The following RAI1 variants were observed in gnomAD, a reference collection of about 807,000 sequenced individuals.
RAI1 encodes retinoic acid-induced protein 1.
A neutral mutation model predicts 123.8 loss-of-function variants in RAI1; 9 were observed. That is an observed-to-expected ratio of 0.07 (90% CI 0.04 to 0.13). The LOEUF is 0.13. Ranked by LOEUF, RAI1 falls within the 10% of genes least tolerant of loss-of-function variation. The probability of loss-of-function intolerance (pLI) is 1.00; values close to 1 mark genes in which losing one functional copy is unlikely to be tolerated. For missense variants in RAI1, 2,256 were observed against 2,545.8 expected (o/e 0.89, Z 2.45); for synonymous variants, 1,231 against 1,127.3 (o/e 1.09, Z -1.84).
intron 2 of RAI1, among the ~76,000 whole-genome samples, chr17:17,725,004 G>GT (rs1916034755): frequency 6.6e-6 from 1 of 151,922 alleles, no homozygotes; most frequent in African/African-American, 2.4e-5. Flanking sequence ...GCCGGGGGGA[G>GT]TGGGGTGGGG....
At chr17:17,693,251 A>G (rs1914900929) in intron 1 of RAI1, among the ~76,000 whole-genome samples, 1 of 152,216 alleles carries the variant, frequency 6.6e-6, no homozygotes, top group Non-Finnish European at 1.5e-5. Context: ...GGTGAGGGCC[A>G]TGAAACCAGG....
At chr17:17,804,824 C>T (rs968644761) in intron 4 of RAI1, among the ~76,000 whole-genome samples, 2 of 151,330 alleles carry the variant, frequency 1.3e-5, no homozygotes, top group Admixed American at 6.6e-5. Context: ...ATGCTGGCTC[C>T]TAGTAGTGTT....
intron 2 of RAI1, among the ~76,000 whole-genome samples, chr17:17,758,725 T>C (rs567183755): frequency 6.2e-4 from 95 of 152,274 alleles, no homozygotes; most frequent in African/African-American, 2.1e-3. Context: ...TCAACGTATG[T>C]ACGAGGAGCA....
chr17:17,726,289 C>T (rs1916087739), intron 2 of RAI1, among the ~76,000 whole-genome samples: 1 of 152,290 alleles, frequency 6.6e-6, no homozygotes, highest in Non-Finnish European at 1.5e-5. Context: ...GCCCTGCTCC[C>T]CACCCTTCCC....
At chr17:17,708,873 C>T (rs77745346) in intron 1 of RAI1, among the ~76,000 whole-genome samples, 6,747 of 152,354 alleles carry the variant, frequency 0.044, 212 homozygotes, top group Non-Finnish European at 0.06. Context: ...CCAAAACATT[C>T]CAGCTTCACA....
At position 17,800,324 on chromosome 17, in the gene RAI1, A is replaced by T. The variant is rs1408236287; in HGVS notation, c.5565+1811A>T. On this transcript the variant is annotated intron_variant, in intron 3 of 5. Transcript: ENST00000353383. The surrounding 1 kb of genome is among the most constrained non-coding windows in gnomAD (Gnocchi z 4.7). ...AGATCACCAGCCCCAGCTGGCTGCC[A>T]CCTCCCCTGCTTCACAGCCCCATTC... Among the ~76,000 whole-genome samples, 1 of 150,128 alleles carries T rather than the reference A, an allele frequency of 6.7e-6. No individual in the cohort carries two copies. The highest frequency in any genetic ancestry group is 2.0e-4 in the East Asian group (1 of 5,128).
At chr17:17,789,555 C>T (rs2031941280) in intron 2 of RAI1, among the ~76,000 whole-genome samples, 1 of 152,166 alleles carries the variant, frequency 6.6e-6, no homozygotes, top group African/African-American at 2.4e-5. Flanking sequence ...GGAGTGAGGA[C>T]ACCCATTGCT....
intron 2 of RAI1, among the ~76,000 whole-genome samples, chr17:17,782,422 G>C (rs1331955978): frequency 6.6e-6 from 1 of 151,708 alleles, no homozygotes; most frequent in African/African-American, 2.4e-5. Flanking sequence ...CGCCGGGCGG[G>C]GTGCCCGCCT....
At chr17:17,792,198 CAGA>C (rs2032034052) in intron 2 of RAI1, among the ~76,000 whole-genome samples, 1 of 152,210 alleles carries the variant, frequency 6.6e-6, no homozygotes. Flanking sequence ...TCCTGGGAGT[CAGA>C]GGAGGGGACA....
At chr17:17,706,810 G>A (rs1915410101) in intron 1 of RAI1, among the ~76,000 whole-genome samples, 2 of 152,206 alleles carry the variant, frequency 1.3e-5, no homozygotes, top group South Asian at 2.1e-4. Context: ...GGGAAAAAAA[G>A]AATTGAAACT....
chr17:17,801,125 G>C lies in RAI1; in HGVS notation c.5565+2612G>C, dbSNP rs569340251. On this transcript the variant is annotated intron_variant, in intron 3 of 5. Transcript: ENST00000353383. This position sits in a 1 kb window ranked among gnomAD's most constrained non-coding sequence, Gnocchi z 4.1. ...GCTCTCAGGGATACCTTTTTTCCTC[G>C]ATGGCCTTTTCTGGGAACTGCCCTC... Among the ~76,000 whole-genome samples the C allele has an allele frequency of 1.3e-4, 20 of 152,190 alleles. No individual in the cohort carries two copies. Among genetic ancestry groups the C allele is most frequent in the African/African-American group, 4.3e-4 (18 of 41,494 alleles).
At chr17:17,769,769 T>C (rs1035245574) in intron 2 of RAI1, among the ~76,000 whole-genome samples, 1 of 152,052 alleles carries the variant, frequency 6.6e-6, no homozygotes, top group Admixed American at 6.5e-5. Context: ...CGAGGAGGCC[T>C]AAGGACACCA....
rs116718189 is a variant in RAI1, at chr17:17,702,459, T to A, written c.-149+20666T>A. ...GAAGGGGGGATAAGCAGTGACCCCATCAGGGCTAATAGCAGTGGGGCCTGC... is the reference window on the plus strand; with the variant it reads ...GAAGGGGGGATAAGCAGTGACCCCAACAGGGCTAATAGCAGTGGGGCCTGC... On this transcript the variant is annotated intron_variant, in intron 1 of 5. Transcript: ENST00000353383. Among the ~76,000 whole-genome samples the A allele has an allele frequency of 3.2e-3, 486 of 152,332 alleles. 4 individuals carry two copies. Among genetic ancestry groups the A allele is most frequent in the African/African-American group, 0.011 (463 of 41,570 alleles).
intron 1 of RAI1, among the ~76,000 whole-genome samples, chr17:17,718,524 C>G (rs540735291): frequency 2.0e-5 from 3 of 152,252 alleles, no homozygotes; most frequent in East Asian, 3.9e-4. Flanking sequence ...CCATGCCAGC[C>G]CCATGTGGGC....
In RAI1 at chr17:17,794,090, C is replaced by T. The variant is rs113208290; in HGVS notation, c.1142C>T (p.Ala381Val). 4.4e-3 allele frequency: 7,178 copies of T among 1,614,076 alleles called. 30 individuals are homozygous for T. The highest frequency in any genetic ancestry group is 5.9e-3 in the Admixed American group (353 of 60,020). The change falls in exon 3 of 6, where the codon GCC becomes GTC. Residue 381 changes from alanine (A) to valine (V), a missense_variant. Ala to Val is a moderately conservative substitution (Grantham distance 64). Transcript: ENST00000353383. Reference sequence around the variant, plus strand: ...AGCCAGCAGCCGCTCAGCACCGGGGCCTTCCCCGCAGGGATCACTGACCAC... The same window carrying T: ...AGCCAGCAGCCGCTCAGCACCGGGGTCTTCCCCGCAGGGATCACTGACCAC... ...PYSQQPLSTG[A>V]FPAGITDHSH...
chr17:17,795,398 G>A lies in RAI1; in HGVS notation c.2450G>A (p.Gly817Glu), dbSNP rs776076377. The A allele has an allele frequency of 2.5e-6, 4 of 1,591,418 alleles. No individual in the cohort carries two copies. Among genetic ancestry groups the A allele is most frequent in the East Asian group, 2.3e-5 (1 of 44,444 alleles). Residue 817 changes from glycine (G) to glutamate (E), a missense_variant, in exon 3 of 6, where the codon GGG becomes GAG. Gly to Glu is a moderately conservative substitution (Grantham distance 98). Around this residue, in one of 7 missense-constraint regions of RAI1, gnomAD observed 566 missense variants for 616.0 expected, o/e 0.92. Coordinates refer to ENST00000353383, the MANE Select transcript of RAI1 (RefSeq NM_030665.4). The surrounding 1 kb of genome is among the most constrained non-coding windows in gnomAD (Gnocchi z 5.9). ...PGDFKQEEVGGVKEEAGGLLQ... is the reference protein window; with the variant it reads ...PGDFKQEEVGEVKEEAGGLLQ... ...GACTTCAAGCAGGAGGAGGTGGGTG[G>A]GGTGAAGGAGGAGGCAGGTGGGCTG... is the stretch of plus-strand genomic sequence containing the variant.
rs751267662 is a variant in RAI1 at position 17,681,462 on chromosome 17, T to A, written c.-480T>A. 1 of 167,418 alleles carries A rather than the reference T, an allele frequency of 6.0e-6. No homozygotes were observed. Among genetic ancestry groups the A allele is most frequent in the Non-Finnish European group, 1.3e-5 (1 of 79,502 alleles). 10.4% of individuals were successfully genotyped at this position (167,418 alleles called of 1,614,324 possible). A position where few individuals can be genotyped will look rare whatever the true frequency, so the allele number is the denominator to read the frequency against. ...TCTTCCTGTGCGGAGGGGATCGCAT[T>A]CCTCGCGGCACCCGCGGACACCAGG... On this transcript the variant is annotated 5_prime_UTR_variant, in exon 1 of 6. Coordinates refer to ENST00000353383, the MANE Select transcript of RAI1 (RefSeq NM_030665.4).
At chr17:17,694,997 AAG>A (rs1055274131) in intron 1 of RAI1, among the ~76,000 whole-genome samples, 6 of 151,996 alleles carry the variant, frequency 3.9e-5, no homozygotes, top group Non-Finnish European at 7.4e-5. Context: ...GGGATAATGA[AAG>A]AGAGTCTGTG....
At chr17:17,764,158 C>T (rs2030820532) in intron 2 of RAI1, among the ~76,000 whole-genome samples, 1 of 152,192 alleles carries the variant, frequency 6.6e-6, no homozygotes, top group Non-Finnish European at 1.5e-5. Context: ...CAAGAAGGTT[C>T]AGCACTTTAC....
Sources: allele counts gnomAD v4.1 joint callset (sites outside exome capture counted in the v4.1 genomes callset), GRCh38; gene constraint gnomAD v4.1.1; regional missense constraint gnomAD v4.1.1; non-coding constraint Gnocchi (gnomAD v3.1); transcripts MANE v1.5; gene names NCBI Gene and HGNC (gene_info 2026-07-23, HGNC 2026-07-21).